MBD3L1: variants seen among roughly 807,000 people sequenced by gnomAD.
The protein encoded by MBD3L1 is methyl-CpG-binding domain protein 3-like 1.
For synonymous variants in MBD3L1, 84 were observed against 85.1 expected (o/e 0.99, Z 0.07); for missense variants, 203 against 230.1 (o/e 0.88, Z 0.76).
At chr19:8,839,171 T>C (rs1007117591) in intron 1 of MBD3L1, among the ~76,000 whole-genome samples, 2 of 64,694 alleles carry the variant, frequency 3.1e-5, no homozygotes, top group African/African-American at 1.2e-4. Flanking sequence ...ATTTTCTTTT[T>C]TTTCTTTTCT....
chr19:8,837,500 T>C (rs2044467183), intron 1 of MBD3L1, among the ~76,000 whole-genome samples: 1 of 152,150 alleles, frequency 6.6e-6, no homozygotes, highest in South Asian at 2.1e-4. Context: ...TCTAGGAATA[T>C]AAAATTCCAG....
intron 2 of MBD3L1, 176 bp from the exon 3 acceptor site, chr19:8,842,482 G>A: frequency 3.6e-6 from 2 of 558,692 alleles, no homozygotes; most frequent in Non-Finnish European, 6.3e-6. Flanking sequence ...AGGAGATTTT[G>A]ACCTTGAACT....
intron 1 of MBD3L1, among the ~76,000 whole-genome samples, chr19:8,833,726 C>G (rs571723821): frequency 6.6e-6 from 1 of 151,284 alleles, no homozygotes; most frequent in Non-Finnish European, 1.5e-5. Flanking sequence ...TGGTGGCTTA[C>G]GCTTGTAATC....
chr19:8,842,773 G>A lies in MBD3L1; in HGVS notation c.95G>A (p.Ser32Asn). Residue 32 changes from serine (S) to asparagine (N), a missense_variant, in exon 3 of 3, where the codon AGT becomes AAT. Ser to Asn is a conservative substitution (Grantham distance 46). Transcript: ENST00000595891. Reference protein sequence around the residue: ...LSTSIPLRMSSYTFKRPVTRI... With the variant: ...LSTSIPLRMSNYTFKRPVTRI... ...ACCTCAATCCCTTTGAGAATGTCCA[G>A]TTACACATTCAAGAGGCCAGTAACG... The A allele has an allele frequency of 6.2e-7, 1 of 1,614,192 alleles. No homozygotes were observed. The highest frequency in any genetic ancestry group is 8.5e-7 in the Non-Finnish European group (1 of 1,180,024).
chr19:8,842,831 A>G lies in MBD3L1; in HGVS notation c.153A>G (p.Arg51=), dbSNP rs746607976. The change falls in exon 3 of 3, where the codon AGA becomes AGG. Residue 51 remains arginine (R), a synonymous_variant. Coordinates refer to ENST00000595891, the MANE Select transcript of MBD3L1 (RefSeq NM_001393532.1). ...RITPHPGNEV[R]YHQWEESLEK... is the part of the protein sequence containing the mutation. ...CACCCCATCCTGGCAATGAGGTCAG[A>G]TACCATCAATGGGAGGAGAGCTTGG... 3.7e-6 allele frequency: 6 copies of G among 1,614,038 alleles called. No homozygotes were observed. The highest frequency in any genetic ancestry group is 5.1e-6 in the Non-Finnish European group (6 of 1,180,044).
intron 1 of MBD3L1, among the ~76,000 whole-genome samples, chr19:8,835,179 G>A (rs1340043897): frequency 6.6e-6 from 1 of 151,888 alleles, no homozygotes; most frequent in East Asian, 1.9e-4. Context: ...AGCCTCCCAA[G>A]TAGCTGGGAC....
At chr19:8,836,499 CT>C (rs899808976) in intron 1 of MBD3L1, among the ~76,000 whole-genome samples, 1 of 138,560 alleles carries the variant, frequency 7.2e-6, no homozygotes. Context: ...CTTCTTTTTT[CT>C]TTTTTTTTGG....
At chr19:8,838,278 A>AAAAAAAAAAAAAAAAAAAAAAAAAC (rs1261754084) in intron 1 of MBD3L1, among the ~76,000 whole-genome samples, 1 of 147,540 alleles carries the variant, frequency 6.8e-6, no homozygotes, top group Non-Finnish European at 1.5e-5. Flanking sequence ...AAAAAAAAAA[A>AAAAAAAAAAAAAAAAAAAAAAAAAC]AAAAAGATCA....
chr19:8,836,116 CAA>C (rs1284448434), intron 1 of MBD3L1, among the ~76,000 whole-genome samples: 1 of 151,988 alleles, frequency 6.6e-6, no homozygotes, highest in Non-Finnish European at 1.5e-5. Flanking sequence ...CCATTTTACA[CAA>C]AAGTGTAAAA....
chr19:8,838,283 A>AT (rs2044476287), intron 1 of MBD3L1, among the ~76,000 whole-genome samples: 1 of 147,486 alleles, frequency 6.8e-6, no homozygotes, highest in African/African-American at 2.5e-5. Flanking sequence ...AAAAAAAAAA[A>AT]GATCAGCAGC....
intron 1 of MBD3L1, among the ~76,000 whole-genome samples, chr19:8,833,774 A>T (rs550988601): frequency 1.3e-5 from 2 of 152,238 alleles, no homozygotes; most frequent in Admixed American, 1.3e-4. Flanking sequence ...AGATCACCTG[A>T]GGTCAGGAGT....
intron 1 of MBD3L1, among the ~76,000 whole-genome samples, chr19:8,838,031 G>A (rs557134517): frequency 8.6e-4 from 130 of 151,778 alleles, no homozygotes; most frequent in African/African-American, 3.0e-3. Flanking sequence ...GGCGGATCAT[G>A]ACATCAAGAG....
intron 1 of MBD3L1, among the ~76,000 whole-genome samples, chr19:8,838,279 A>AAAAAAAAAAAAAAAAAAAC (rs2044476007): frequency 1.4e-5 from 2 of 147,922 alleles, no homozygotes; most frequent in African/African-American, 2.5e-5. Flanking sequence ...AAAAAAAAAA[A>AAAAAAAAAAAAAAAAAAAC]AAAAGATCAG....
At chr19:8,839,837 G>A (rs1266562881) in intron 1 of MBD3L1, among the ~76,000 whole-genome samples, 1 of 152,110 alleles carries the variant, frequency 6.6e-6, no homozygotes, top group Admixed American at 6.6e-5. Flanking sequence ...GGAGAGGAGT[G>A]TCTGTGTAGC....
chr19:8,838,334 A>G (rs1036071916), intron 1 of MBD3L1, among the ~76,000 whole-genome samples: 3 of 149,908 alleles, frequency 2.0e-5, no homozygotes, highest in African/African-American at 7.3e-5. Flanking sequence ...ACCTGTGGAA[A>G]TGACAGATGT....
intron 1 of MBD3L1, among the ~76,000 whole-genome samples, chr19:8,835,049 T>G (rs924480941): frequency 7.5e-6 from 1 of 132,838 alleles, no homozygotes; most frequent in African/African-American, 2.8e-5. Context: ...GAACAAAGAG[T>G]TTTTTTTTTT....
In MBD3L1 at chr19:8,841,682, G is replaced by A. The variant is rs148495040; in HGVS notation, c.-22+683G>A. ...AGCTATTCTCCTGCCTCAGCCTCCC[G>A]AGTAGCTGGGATTACAGGTGCCCGC... On this transcript the variant is annotated intron_variant, in intron 2 of 2. Transcript: ENST00000595891. Among the ~76,000 whole-genome samples the A allele has an allele frequency of 9.4e-3, 1,435 of 152,022 alleles. 20 individuals carry two copies. Among genetic ancestry groups the A allele is most frequent in the African/African-American group, 0.033 (1,375 of 41,490 alleles).
At chr19:8,842,245 G>A (rs1223935052) in intron 2 of MBD3L1, among the ~76,000 whole-genome samples, 1 of 150,654 alleles carries the variant, frequency 6.6e-6, no homozygotes, top group Admixed American at 6.6e-5. Flanking sequence ...TGGATCACTT[G>A]AGCCTGGGGA....
intron 2 of MBD3L1, 167 bp from the exon 3 acceptor site, chr19:8,842,491 C>A: frequency 1.8e-6 from 1 of 568,170 alleles, no homozygotes; most frequent in East Asian, 2.9e-5. Flanking sequence ...TGACCTTGAA[C>A]TTTCTGTGCT....
Sources: gnomAD v4.1 joint callset for allele counts (sites outside exome capture counted in the v4.1 genomes callset) on GRCh38, gnomAD v4.1.1 for gene constraint, MANE v1.5 for transcripts, NCBI Gene and HGNC (gene_info 2026-07-23, HGNC 2026-07-21) for gene names.